Variants in TTC6 observed in about 807,000 individuals in gnomAD.
TTC6 encodes the protein tetratricopeptide repeat domain 6, also known as tetratricopeptide repeat protein 6.
Under a neutral mutation model 210.4 loss-of-function variants are expected in TTC6, and 172 were observed. The observed-to-expected ratio is 0.82, with a 90% CI of 0.72 to 0.93. The LOEUF is 0.93. TTC6 is among the 40% of genes least tolerant of loss of function. TTC6 has a pLI of 0.00. For synonymous variants in TTC6, 804 were observed against 819.6 expected, an observed-to-expected ratio of 0.98 and a Z score of 0.32; for missense variants, 2,414 against 2,318.1, an observed-to-expected ratio of 1.04 and a Z score of -0.85.
intron 1 of TTC6, among the ~76,000 whole-genome samples, chr14:37,646,604 A>G (rs192626915): frequency 6.6e-6 from 1 of 152,330 alleles, no homozygotes; most frequent in East Asian, 1.9e-4. Context: ...TTTTGCTAAA[A>G]TATTAAAACA....
rs142528062 is a variant in TTC6 at position 37,842,006 on chromosome 14, A to T, written c.5525-149A>T. 64 of 676,178 alleles carry T rather than the reference A, an allele frequency of 9.5e-5. No individual in the cohort carries two copies. In the Middle Eastern group the frequency reaches 2.2e-3, roughly 23 times the overall value. The allele number at this position is 676,178 out of a possible 1,614,324, so 41.9% of individuals were successfully genotyped here. A position where few individuals can be genotyped will look rare whatever the true frequency, so the allele number is the denominator to read the frequency against. ...TAACTAAATAGTTCTGTTTGAAGAAAAGTGTTTTCAAATTAAAAGTATTAA... is the reference window on the plus strand; with the variant it reads ...TAACTAAATAGTTCTGTTTGAAGAATAGTGTTTTCAAATTAAAAGTATTAA... On this transcript the variant is annotated intron_variant, in intron 30 of 30. Coordinates refer to ENST00000553443, the Ensembl canonical transcript of TTC6.
intron 3 of TTC6, among the ~76,000 whole-genome samples, chr14:37,686,399 G>A (rs1409650842): frequency 6.6e-6 from 1 of 152,236 alleles, no homozygotes; most frequent in Non-Finnish European, 1.5e-5. Flanking sequence ...AGAGGAGATT[G>A]TCGTCAGGTG....
chr14:37,792,935 T>C (rs1215253361), intron 17 of TTC6, among the ~76,000 whole-genome samples: 1 of 152,088 alleles, frequency 6.6e-6, no homozygotes, highest in African/African-American at 2.4e-5. Context: ...TAAAAATAAA[T>C]GTTATATGCC....
chr14:37,793,846 A>G (rs917218739), intron 17 of TTC6, among the ~76,000 whole-genome samples: 2 of 152,172 alleles, frequency 1.3e-5, no homozygotes, highest in African/African-American at 4.8e-5. Flanking sequence ...GAGTGAATAG[A>G]ACTATGCTAG....
At chr14:37,840,651 A>C (rs573013867) in intron 29 of TTC6, among the ~76,000 whole-genome samples, 2 of 152,342 alleles carry the variant, frequency 1.3e-5, no homozygotes, top group Non-Finnish European at 1.5e-5. Flanking sequence ...TCCACACATG[A>C]TCAAGTTGGC....
At chr14:37,829,332 G>C (rs1483398899) in intron 29 of TTC6, among the ~76,000 whole-genome samples, 2 of 151,600 alleles carry the variant, frequency 1.3e-5, no homozygotes, top group Non-Finnish European at 2.9e-5. Context: ...TTATGTTAAA[G>C]GTATTTTGAA....
At chr14:37,604,198 C>T (rs1186489223) in intron 1 of TTC6, among the ~76,000 whole-genome samples, 2 of 152,136 alleles carry the variant, frequency 1.3e-5, no homozygotes, top group East Asian at 1.9e-4. Flanking sequence ...TGCCGGGGGG[C>T]GGAGTCTCAG....
intron 1 of TTC6, among the ~76,000 whole-genome samples, chr14:37,631,981 T>C (rs182251198): frequency 4.5e-4 from 68 of 152,304 alleles, no homozygotes; most frequent in Non-Finnish European, 7.5e-4. Flanking sequence ...TTTATGTTCT[T>C]CTCTAAACTG....
At chr14:37,597,512 C>T (rs2139198201) in intron 1 of TTC6, among the ~76,000 whole-genome samples, 1 of 151,274 alleles carries the variant, frequency 6.6e-6, no homozygotes, top group East Asian at 2.0e-4. Context: ...TTCTTTTAGC[C>T]CACTTCCCAA....
At chr14:37,832,052 C>T (rs556401106) in intron 29 of TTC6, among the ~76,000 whole-genome samples, 324 of 152,082 alleles carry the variant, frequency 2.1e-3, no homozygotes, top group African/African-American at 7.5e-3. Context: ...ATGTTTTCTT[C>T]TAGTAGTTTT....
intron 18 of TTC6, among the ~76,000 whole-genome samples, chr14:37,795,754 C>T (rs1399732550): frequency 6.6e-6 from 1 of 152,112 alleles, no homozygotes; most frequent in Non-Finnish European, 1.5e-5. Flanking sequence ...AAGTGACATA[C>T]TGAATTGTAT....
intron 14 of TTC6, among the ~76,000 whole-genome samples, chr14:37,777,821 G>A (rs2096042571): frequency 6.7e-6 from 1 of 148,966 alleles, no homozygotes; most frequent in Admixed American, 6.7e-5. Context: ...GTTTTTGGGG[G>A]TTTGATTGTG....
intron 10 of TTC6, among the ~76,000 whole-genome samples, chr14:37,747,170 A>G (rs2095938517): frequency 6.6e-6 from 1 of 152,060 alleles, no homozygotes; most frequent in South Asian, 2.1e-4. Flanking sequence ...ATATTTGACA[A>G]ATTTTTATAC....
intron 1 of TTC6, among the ~76,000 whole-genome samples, chr14:37,669,253 C>T (rs1031009764): frequency 4.9e-4 from 74 of 152,178 alleles, no homozygotes; most frequent in African/African-American, 1.7e-3. Context: ...CCATGGGGCT[C>T]ATCACTACCC....
At chr14:37,805,990 A>G (rs1227250985) in intron 21 of TTC6, among the ~76,000 whole-genome samples, 1 of 152,154 alleles carries the variant, frequency 6.6e-6, no homozygotes, top group African/African-American at 2.4e-5. Context: ...ATGAGCCACC[A>G]TGCCTGGCCT....
At chr14:37,657,985 C>T (rs2095728423) in intron 1 of TTC6, among the ~76,000 whole-genome samples, 1 of 152,092 alleles carries the variant, frequency 6.6e-6, no homozygotes, top group Admixed American at 6.5e-5. Flanking sequence ...TTGTCATTTA[C>T]ATCAAGGATG....
intron 1 of TTC6, among the ~76,000 whole-genome samples, chr14:37,673,555 T>C (rs1490224166): frequency 6.6e-6 from 1 of 152,164 alleles, no homozygotes; most frequent in African/African-American, 2.4e-5. Flanking sequence ...AGCTGCTCTC[T>C]CTACTCCTCC....
chr14:37,641,741 A>G (rs1488252864), intron 1 of TTC6, among the ~76,000 whole-genome samples: 1 of 152,172 alleles, frequency 6.6e-6, no homozygotes, highest in Non-Finnish European at 1.5e-5. Flanking sequence ...TTCTCATTAT[A>G]TGGAAAAAAA....
intron 29 of TTC6, among the ~76,000 whole-genome samples, chr14:37,831,089 C>A (rs2096183873): frequency 6.6e-6 from 1 of 151,540 alleles, no homozygotes; most frequent in Admixed American, 6.6e-5. Context: ...GCCCACCCCT[C>A]CCAGCCAATT....
Sources: allele counts gnomAD v4.1 joint callset (sites outside exome capture counted in the v4.1 genomes callset), GRCh38; gene constraint gnomAD v4.1.1; transcripts MANE v1.5; gene names NCBI Gene and HGNC (gene_info 2026-07-23, HGNC 2026-07-21).